Variants in PGPEP1 observed in about 807,000 individuals in gnomAD.
The protein encoded by PGPEP1 is pyroglutamyl-peptidase 1.
In PGPEP1, 15 loss-of-function variants were observed where a neutral mutation model predicts 24.1. The observed-to-expected ratio is 0.62, with a 90% CI of 0.42 to 0.96. The LOEUF (loss-of-function observed/expected upper bound fraction) is 0.96. PGPEP1 is among the 40% of genes least tolerant of loss of function. The probability of loss-of-function intolerance (pLI) is 0.00; values close to 1 mark genes in which losing one functional copy is unlikely to be tolerated. For missense variants in PGPEP1, 242 were observed against 273.4 expected (o/e 0.89, Z 0.81); for synonymous variants, 122 against 116.4 (o/e 1.05, Z -0.31).
At chr19:18,358,314 G>T (rs1459885107) in intron 4 of PGPEP1, among the ~76,000 whole-genome samples, 1 of 134,758 alleles carries the variant, frequency 7.4e-6, no homozygotes, top group Non-Finnish European at 1.5e-5. Context: ...AGCCTGGAGT[G>T]CAATGGCGTG....
At chr19:18,348,994 C>A in intron 2 of PGPEP1, 1 of 461,426 alleles carries the variant, frequency 2.2e-6, no homozygotes, top group Non-Finnish European at 2.9e-6. Context: ...AACTTCCGGG[C>A]TCAAATGATC....
intron 2 of PGPEP1, among the ~76,000 whole-genome samples, chr19:18,354,192 A>G (rs1291809798): frequency 6.6e-6 from 1 of 151,954 alleles, no homozygotes; most frequent in Non-Finnish European, 1.5e-5. Flanking sequence ...CCGAGATCAT[A>G]GCACTGCGCT....
intron 4 of PGPEP1, among the ~76,000 whole-genome samples, chr19:18,363,109 G>A (rs73009436): frequency 0.31 from 46,456 of 149,808 alleles, 8,254 homozygotes; most frequent in Non-Finnish European, 0.4. Context: ...CAGGCTGAGT[G>A]CAGTGGTGCA....
rs1460948816 is a variant in PGPEP1 at position 18,356,016 on chromosome 19, G to C, written c.204+5G>C. 7.1e-6 allele frequency: 11 copies of C among 1,558,516 alleles called. No individual in the cohort carries two copies. The highest frequency in any genetic ancestry group is 9.7e-6 in the Non-Finnish European group (11 of 1,129,460). On this transcript the variant is annotated splice_donor_5th_base_variant and intron_variant, in intron 3 of 4. Transcript: ENST00000269919. ...TGGGAGAAGCACAGTCCACAGGTGA[G>C]TGGTGCCAAGGGGCGGCACTTCCTC...
chr19:18,361,759 T>C, intron 4 of PGPEP1: 1 of 985,360 alleles, frequency 1.0e-6, no homozygotes, highest in Non-Finnish European at 1.2e-6. Flanking sequence ...CGTACATATA[T>C]ACATCACTTG....
chr19:18,345,398 T>TAAAAA (rs1970801454), intron 2 of PGPEP1, among the ~76,000 whole-genome samples: 1 of 151,618 alleles, frequency 6.6e-6, no homozygotes, highest in Admixed American at 6.6e-5. Context: ...TTGTTTCACT[T>TAAAAA]AAACAAAACA....
chr19:18,349,438 G>A (rs1187026308), intron 2 of PGPEP1, among the ~76,000 whole-genome samples: 2 of 152,130 alleles, frequency 1.3e-5, no homozygotes, highest in Non-Finnish European at 2.9e-5. Flanking sequence ...TGGGATTACA[G>A]GTGTGAGCCA....
intron 2 of PGPEP1, 56 bp downstream of exon 2, chr19:18,342,967 G>A: frequency 7.5e-7 from 1 of 1,332,126 alleles, no homozygotes; most frequent in Non-Finnish European, 1.1e-6. Flanking sequence ...ACCCCAGAAA[G>A]TTATGGCATC....
intron 2 of PGPEP1, among the ~76,000 whole-genome samples, chr19:18,347,874 C>T (rs370105375): frequency 5.3e-5 from 8 of 152,094 alleles, no homozygotes; most frequent in Admixed American, 1.3e-4. Context: ...CCTCGTGATC[C>T]GCCTGCCTTG....
intron 4 of PGPEP1, among the ~76,000 whole-genome samples, chr19:18,360,125 TC>T (rs1319924452): frequency 6.6e-6 from 1 of 152,070 alleles, no homozygotes; most frequent in East Asian, 1.9e-4. Flanking sequence ...CGCCTCAGCC[TC>T]CCGAGTAGCT....
intron 2 of PGPEP1, among the ~76,000 whole-genome samples, chr19:18,343,488 C>A (rs1970734357): frequency 6.6e-6 from 1 of 152,088 alleles, no homozygotes; most frequent in South Asian, 2.1e-4. Flanking sequence ...GAAGGGAGTT[C>A]TCCGAGGTCA....
intron 2 of PGPEP1, 43 bp downstream of exon 2, chr19:18,342,954 C>T: frequency 6.7e-7 from 1 of 1,487,460 alleles, no homozygotes; most frequent in Non-Finnish European, 9.4e-7. Context: ...TGGAGCTGGG[C>T]ACACCCCAGA....
rs1971461770 is a variant in PGPEP1, at chr19:18,364,269, C to T, written c.*686C>T. The T allele has an allele frequency of 6.6e-6, 1 of 151,808 alleles. No individual in the cohort carries two copies. Among genetic ancestry groups the T allele is most frequent in the Non-Finnish European group, 1.5e-5 (1 of 68,004 alleles). The allele number at this position is 151,808 out of a possible 1,614,324, so 9.4% of individuals were successfully genotyped here. ...AGTGTTTTCCCCCCACCCCCACTCGCCCACCAGGGTGATGCCACTTTTGCC... is the reference window on the plus strand; with the variant it reads ...AGTGTTTTCCCCCCACCCCCACTCGTCCACCAGGGTGATGCCACTTTTGCC... On this transcript the variant is annotated 3_prime_UTR_variant, in exon 5 of 5. Transcript: ENST00000269919.
chr19:18,356,006 C>T lies in PGPEP1; in HGVS notation c.199C>T (p.Pro67Ser). Residue 67 changes from proline (P) to serine (S), a missense_variant, in exon 3 of 5, where the codon CCA (proline) becomes TCA (serine). Pro to Ser is a moderately conservative substitution (Grantham distance 74, BLOSUM62 -1). Coordinates refer to ENST00000269919, the MANE Select transcript of PGPEP1 (RefSeq NM_017712.4). ...CCCCGCCCTGTGGGAGAAGCACAGT[C>T]CACAGGTGAGTGGTGCCAAGGGGCG... is the stretch of plus-strand genomic sequence containing the variant. ...LIPALWEKHSPQLVVHVGVSG... is the reference protein window; with the variant it reads ...LIPALWEKHSSQLVVHVGVSG... 1.3e-6 allele frequency: 2 copies of T among 1,597,156 alleles called. No homozygotes were observed. Among genetic ancestry groups the T allele is most frequent in the South Asian group, 1.1e-5 (1 of 90,712 alleles).
intron 2 of PGPEP1, among the ~76,000 whole-genome samples, chr19:18,349,783 A>T (rs1970969124): frequency 6.6e-6 from 1 of 152,050 alleles, no homozygotes; most frequent in South Asian, 2.1e-4. Flanking sequence ...CCAAACAGAG[A>T]TTACTCATTC....
intron 2 of PGPEP1, among the ~76,000 whole-genome samples, chr19:18,349,704 A>C (rs1037669181): frequency 2.0e-5 from 3 of 152,138 alleles, no homozygotes; most frequent in Non-Finnish European, 4.4e-5. Context: ...CGCCGCTCCC[A>C]TTCCTTCCTT....
At position 18,363,644 on chromosome 19, in the gene PGPEP1, C is replaced by G; in HGVS notation, c.*61C>G. On this transcript the variant is annotated 3_prime_UTR_variant, in exon 5 of 5. Transcript: ENST00000269919. The stretch of plus-strand genomic sequence containing the variant: ...GGGACCCCACGAGGGGACATCCACC[C>G]TCTGGGGTGTGGCCAGGAAAAGACA... 3.0e-6 allele frequency: 4 copies of G among 1,313,858 alleles called. No homozygotes were observed. The highest frequency in any genetic ancestry group is 4.3e-6 in the Non-Finnish European group (4 of 938,784). 81.4% of individuals were successfully genotyped at this position (1,313,858 alleles called of 1,614,324 possible). A position where few individuals can be genotyped will look rare whatever the true frequency, so the allele number is the denominator to read the frequency against.
At chr19:18,354,251 C>T (rs1971117720) in intron 2 of PGPEP1, among the ~76,000 whole-genome samples, 1 of 148,680 alleles carries the variant, frequency 6.7e-6, no homozygotes, top group African/African-American at 2.5e-5. Context: ...ATAAAAGACT[C>T]TTGGGAGGCA....
intron 2 of PGPEP1, among the ~76,000 whole-genome samples, chr19:18,354,162 G>A (rs1370837818): frequency 6.6e-6 from 1 of 152,100 alleles, no homozygotes; most frequent in African/African-American, 2.4e-5. Flanking sequence ...TTGAACCCAG[G>A]AGGCAGAGGT....
Sources: gnomAD v4.1 joint callset for allele counts (sites outside exome capture counted in the v4.1 genomes callset) on GRCh38, gnomAD v4.1.1 for gene constraint, MANE v1.5 for transcripts, NCBI Gene and HGNC (gene_info 2026-07-23, HGNC 2026-07-21) for gene names.